Variants in NFASC observed in about 807,000 individuals in gnomAD.
NFASC encodes neurofascin.
NFASC carries 43 observed loss-of-function variants against 147.5 expected under a neutral mutation model. The observed-to-expected ratio is 0.29, with a 90% CI of 0.23 to 0.38. The LOEUF (loss-of-function observed/expected upper bound fraction) is 0.38. Among genes scored for constraint, NFASC ranks in the 10% least tolerant of loss-of-function variants. The probability of loss-of-function intolerance (pLI) is 1.00; values close to 1 mark genes in which losing one functional copy is unlikely to be tolerated. For synonymous variants in NFASC, 622 were observed against 665.5 expected (o/e 0.93, Z 1.01); for missense variants, 1,320 against 1,689.0 (o/e 0.78, Z 3.83).
chr1:205,001,649 T>A (rs4950977), intron 26 of NFASC, among the ~76,000 whole-genome samples: 34,088 of 152,114 alleles, frequency 0.22, 4,011 homozygotes, highest in South Asian at 0.28. Context: ...AGGCTCCACT[T>A]GACTGGGTGA....
intron 1 of NFASC, among the ~76,000 whole-genome samples, chr1:204,870,321 A>G (rs1251839743): frequency 6.6e-6 from 1 of 152,122 alleles, no homozygotes; most frequent in Non-Finnish European, 1.5e-5. Flanking sequence ...AGTTGCGGAG[A>G]GCCATTGTTC....
Position 204,954,154 on chromosome 1 carries a change from C to T in NFASC, c.216-34C>T, listed in dbSNP as rs12068836. 1.6e-3 allele frequency: 2,490 copies of T among 1,600,970 alleles called. 30 individuals carry two copies. In the African/African-American group the frequency reaches 0.029, roughly 18 times the overall value. On this transcript the variant is annotated intron_variant, in intron 5 of 29. Transcript: ENST00000339876. This position sits in a 1 kb window ranked among gnomAD's most constrained non-coding sequence, Gnocchi z 5.7. The stretch of plus-strand genomic sequence containing the variant: ...CCTGGAGCCCAGAGCCCACCCCATT[C>T]GTCTTGGTTGCCACTGCTCCCCACT...
rs1238216842 is a variant in NFASC, at chr1:204,954,693, C to T, written c.413-136C>T. On this transcript the variant is annotated intron_variant, in intron 6 of 29. Transcript: ENST00000339876. The surrounding 1 kb of genome is among the most constrained non-coding windows in gnomAD (Gnocchi z 5.7). ...GCCCCTTGAGTAGGCTCACGTGCCC[C>T]GTCCCTCTCTCTTGCTCCCTCCTTC... 14 of 1,075,146 alleles carry T rather than the reference C, an allele frequency of 1.3e-5. No homozygotes were observed. Among genetic ancestry groups the T allele is most frequent in the East Asian group, 7.2e-5 (3 of 41,848 alleles). The allele number at this position is 1,075,146 out of a possible 1,614,324, so 66.6% of individuals were successfully genotyped here.
At position 204,876,994 on chromosome 1, in the gene NFASC, A is replaced by ATG. The variant is rs377007452; in HGVS notation, c.-199-43636_-199-43635dup. ...TTTATGCCAAATGAGTTGGCTAAATATGTATATATATATATATATATATAT... is the reference window on the plus strand; with the variant it reads ...TTTATGCCAAATGAGTTGGCTAAATATGTGTATATATATATATATATATATAT... On this transcript the variant is annotated intron_variant, in intron 1 of 29. Coordinates refer to ENST00000339876, the MANE Select transcript of NFASC (RefSeq NM_001005388.3). 2.6e-4 allele frequency among the ~76,000 whole-genome samples: 19 copies of ATG among 73,960 alleles called. 1 individual carries two copies. The South Asian group carries it at 6.1e-3, about 24-fold the overall frequency. 48.5% of individuals were successfully genotyped at this position (73,960 alleles called of 152,430 possible).
intron 2 of NFASC, among the ~76,000 whole-genome samples, chr1:204,926,400 ATATATATTTTTTTTTTT>A (rs1276467947): frequency 2.7e-4 from 8 of 29,610 alleles, no homozygotes; most frequent in Non-Finnish European, 4.7e-4. Context: ...ATATATATAT[ATATATATTTTTTTTTTT>A]TTTTTTTTTT....
At chr1:204,940,417 C>T (rs1246179708) in intron 2 of NFASC, among the ~76,000 whole-genome samples, 1 of 152,206 alleles carries the variant, frequency 6.6e-6, no homozygotes, top group African/African-American at 2.4e-5. Context: ...CATGCCACTG[C>T]ACTCCCGCCT....
chr1:204,907,873 T>A (rs1192648287), intron 1 of NFASC, among the ~76,000 whole-genome samples: 1 of 152,208 alleles, frequency 6.6e-6, no homozygotes, highest in African/African-American at 2.4e-5. Flanking sequence ...GAGAAATAGC[T>A]TTTAAATACA....
intron 1 of NFASC, among the ~76,000 whole-genome samples, chr1:204,868,544 C>A (rs534023819): frequency 2.2e-4 from 33 of 152,308 alleles, no homozygotes; most frequent in Non-Finnish European, 4.6e-4. Context: ...CTCTTTCTGG[C>A]TGCCAACCCC....
intron 1 of NFASC, among the ~76,000 whole-genome samples, chr1:204,901,932 G>T (rs1308347870): frequency 2.0e-5 from 3 of 152,132 alleles, no homozygotes; most frequent in African/African-American, 7.2e-5. Context: ...CACCTGTGCA[G>T]GTTCTGTTTT....
rs2095379558 is a variant in NFASC, at chr1:204,975,505, G to A, written c.1706+87G>A. ...TGTTGGTGACACATGGAAGAACACA[G>A]GGACAGGGAACCCGTGTCATGCATG... On this transcript the variant is annotated intron_variant, in intron 15 of 29. Coordinates refer to ENST00000339876, the MANE Select transcript of NFASC (RefSeq NM_001005388.3). The surrounding 1 kb of genome is among the most constrained non-coding windows in gnomAD (Gnocchi z 4.0). The A allele has an allele frequency of 6.6e-7, 1 of 1,516,924 alleles. No individual in the cohort carries two copies. Among genetic ancestry groups the A allele is most frequent in the Non-Finnish European group, 9.0e-7 (1 of 1,111,660 alleles). The allele number at this position is 1,516,924 out of a possible 1,614,324, so 94.0% of individuals were successfully genotyped here.
intron 1 of NFASC, among the ~76,000 whole-genome samples, chr1:204,887,997 C>G (rs923530529): frequency 6.6e-6 from 1 of 152,144 alleles, no homozygotes; most frequent in Non-Finnish European, 1.5e-5. Context: ...CTGGCTCTTA[C>G]CCATCTGGTG....
At chr1:204,895,488 G>A (rs2083220681) in intron 1 of NFASC, among the ~76,000 whole-genome samples, 1 of 152,166 alleles carries the variant, frequency 6.6e-6, no homozygotes, top group African/African-American at 2.4e-5. Context: ...GCCTAATAGA[G>A]GATGTGCATC....
chr1:204,935,952 T>C (rs762814259), intron 2 of NFASC, among the ~76,000 whole-genome samples: 7 of 152,186 alleles, frequency 4.6e-5, no homozygotes, highest in Non-Finnish European at 1.0e-4. Flanking sequence ...CCAATCTGCC[T>C]TTACTGTGGT....
rs142704459 is a variant in NFASC, at chr1:204,848,736, G to A, written c.-200+19954G>A. 2.8e-3 allele frequency among the ~76,000 whole-genome samples: 430 copies of A among 152,312 alleles called. 1 individual carries two copies. The highest frequency in any genetic ancestry group is 9.7e-3 in the African/African-American group (404 of 41,558). On this transcript the variant is annotated intron_variant, in intron 1 of 29. Coordinates refer to ENST00000339876, the MANE Select transcript of NFASC (RefSeq NM_001005388.3). ...ATTTGAGAGTTGTTGCTAGAATCTG[G>A]CTGTTGGGAACAGAGCAAATAAGGA...
intron 2 of NFASC, among the ~76,000 whole-genome samples, chr1:204,937,962 A>G (rs1189437370): frequency 6.6e-6 from 1 of 152,180 alleles, no homozygotes; most frequent in East Asian, 1.9e-4. Context: ...ATGCAGCCCA[A>G]AAGTCTGAGA....
At chr1:205,012,749 A>C (rs1390078749) in intron 28 of NFASC, 48 bp from the exon 29 acceptor site, 1 of 1,354,928 alleles carries the variant, frequency 7.4e-7, no homozygotes, top group Non-Finnish European at 1.1e-6. Context: ...GAGCAGGGGC[A>C]TGTACTTAAT....
At chr1:204,876,309 C>G (rs1449198744) in intron 1 of NFASC, among the ~76,000 whole-genome samples, 2 of 152,070 alleles carry the variant, frequency 1.3e-5, no homozygotes, top group Non-Finnish European at 2.9e-5. Flanking sequence ...CCACCGCCAC[C>G]CCACAGCCCC....
At chr1:204,993,811 T>C (rs1224159555) in intron 24 of NFASC, 4 of 516,992 alleles carry the variant, frequency 7.7e-6, no homozygotes, top group Non-Finnish European at 1.5e-5. Flanking sequence ...TAAGCCCTAC[T>C]TCTCAGCTTC....
intron 25 of NFASC, chr1:204,998,693 G>A (rs1485134602): frequency 6.7e-6 from 1 of 150,082 alleles, no homozygotes; most frequent in Non-Finnish European, 1.5e-5. Flanking sequence ...GTTGGTGATT[G>A]ATGTTCTTTG....
Sources: gnomAD v4.1 joint callset for allele counts (sites outside exome capture counted in the v4.1 genomes callset) on GRCh38, gnomAD v4.1.1 for gene constraint, Gnocchi (gnomAD v3.1) non-coding constraint, MANE v1.5 for transcripts, NCBI Gene and HGNC (gene_info 2026-07-23, HGNC 2026-07-21) for gene names.